The following RBBP8 variants were observed in gnomAD, a reference collection of about 807,000 sequenced individuals.
The protein encoded by RBBP8 is DNA endonuclease RBBP8.
In RBBP8, 88 loss-of-function variants were observed where a neutral mutation model predicts 108.3. The ratio of observed to expected loss-of-function variants is 0.81; its 90% CI spans 0.68 to 0.97. RBBP8 has a LOEUF of 0.97. Among genes scored for constraint, RBBP8 ranks in the 50% least tolerant of loss-of-function variants. RBBP8 has a pLI of 0.00. For missense variants in RBBP8, 1,023 were observed against 1,049.0 expected (o/e 0.98, Z 0.34); for synonymous variants, 332 against 348.2 (o/e 0.95, Z 0.52).
intron 3 of RBBP8, among the ~76,000 whole-genome samples, chr18:22,925,543 A>G: frequency 6.6e-6 from 1 of 152,230 alleles, no homozygotes; most frequent in East Asian, 1.9e-4. Flanking sequence ...GTAATCTGTG[A>G]AGCACATAAT....
chr18:22,965,360 G>A (rs1229908616), intron 4 of RBBP8, among the ~76,000 whole-genome samples: 1 of 152,118 alleles, frequency 6.6e-6, no homozygotes, highest in Non-Finnish European at 1.5e-5. Flanking sequence ...GAGCTTCTCT[G>A]TTAGAATGAT....
intron 16 of RBBP8, among the ~76,000 whole-genome samples, chr18:23,013,453 C>T (rs141220415): frequency 6.6e-6 from 1 of 152,070 alleles, no homozygotes; most frequent in African/African-American, 2.4e-5. Flanking sequence ...CCCACCTGGT[C>T]CGTCAGAATG....
chr18:23,017,648 C>G (rs1598749163), intron 17 of RBBP8, among the ~76,000 whole-genome samples: 1 of 147,496 alleles, frequency 6.8e-6, no homozygotes. Flanking sequence ...AGCGAGACTC[C>G]GTCTCAAAAA....
chr18:22,914,829 A>G (rs2144320407), intron 1 of RBBP8, among the ~76,000 whole-genome samples: 1 of 152,304 alleles, frequency 6.6e-6, no homozygotes, highest in South Asian at 2.1e-4. Flanking sequence ...CTGGTAACTG[A>G]TTAACTATTG....
At position 22,993,334 on chromosome 18, in the gene RBBP8, C is replaced by T. The variant is rs777465941; in HGVS notation, c.1507C>T (p.Gln503Ter). Residue 503 changes from glutamine (Q) to a stop codon, truncating the protein, a stop_gained, in exon 11 of 19, where the codon CAA (glutamine) becomes TAA (stop). Transcript: ENST00000327155. LOFTEE classifies it high-confidence loss of function. ...TGATCGATTTTCAGCTATTCAGCGT[C>T]AAGAGAAAAGCCAAGGAAGTGAGAC... Reference protein sequence around the residue: ...LSDRFSAIQRQEKSQGSETSK... With the variant: ...LSDRFSAIQR 6.2e-7 allele frequency: 1 copy of T among 1,614,088 alleles called. No individual in the cohort carries two copies. Among genetic ancestry groups the T allele is most frequent in the Non-Finnish European group, 8.5e-7 (1 of 1,180,044 alleles).
chr18:22,926,931 G>T (rs1463149351), intron 3 of RBBP8, among the ~76,000 whole-genome samples: 39 of 152,084 alleles, frequency 2.6e-4, no homozygotes, highest in Non-Finnish European at 8.8e-5. Flanking sequence ...TCTCAATCTG[G>T]AATCTTGGCA....
intron 16 of RBBP8, 115 bp from the exon 17 acceptor site, chr18:23,016,713 G>A (rs112796210): frequency 3.3e-5 from 27 of 806,926 alleles, no homozygotes; most frequent in African/African-American, 3.1e-4. Flanking sequence ...ATTTGACGAA[G>A]CAATATTTTT....
At chr18:22,947,042 C>G (rs1911623669) in intron 3 of RBBP8, among the ~76,000 whole-genome samples, 1 of 152,076 alleles carries the variant, frequency 6.6e-6, no homozygotes, top group Admixed American at 6.5e-5. Flanking sequence ...TCATGATTCT[C>G]TAGAGCTTCC....
At chr18:23,019,461 A>G (rs2046312485) in intron 17 of RBBP8, among the ~76,000 whole-genome samples, 1 of 152,174 alleles carries the variant, frequency 6.6e-6, no homozygotes, top group Non-Finnish European at 1.5e-5. Flanking sequence ...TACAGTTCTT[A>G]AATTTATCCC....
chr18:22,969,371 AG>A (rs2042340857), intron 5 of RBBP8, among the ~76,000 whole-genome samples: 3 of 152,070 alleles, frequency 2.0e-5, no homozygotes, highest in African/African-American at 7.2e-5. Context: ...TTGAGTGTAG[AG>A]TTTTTCTACA....
intron 14 of RBBP8, among the ~76,000 whole-genome samples, chr18:22,998,619 A>G (rs1243211272): frequency 6.6e-6 from 1 of 152,234 alleles, no homozygotes; most frequent in African/African-American, 2.4e-5. Context: ...CCCAGTGATC[A>G]TTTGTTAGAA....
At chr18:22,946,338 G>T in intron 2 of RBBP8, 106 bp from the exon 3 acceptor site, 1 of 1,488,538 alleles carries the variant, frequency 6.7e-7, no homozygotes, top group Non-Finnish European at 9.1e-7. Context: ...AAACTAATGA[G>T]ACCTGGTTTA....
chr18:22,929,593 C>A (rs1345433925), upstream of RBBP8, among the ~76,000 whole-genome samples: 8 of 147,696 alleles, frequency 5.4e-5, no homozygotes, highest in Non-Finnish European at 1.2e-4. Flanking sequence ...TGTCATTCAG[C>A]CTATACTGCA....
At chr18:23,003,934 G>C (rs1419467182) in intron 15 of RBBP8, among the ~76,000 whole-genome samples, 2 of 151,764 alleles carry the variant, frequency 1.3e-5, no homozygotes, top group Non-Finnish European at 2.9e-5. Context: ...GCAGGTGCCT[G>C]TAGTCCCAGC....
At chr18:22,946,275 C>A (rs1369853735) in intron 2 of RBBP8, 169 bp from the exon 3 acceptor site, 3 of 761,724 alleles carry the variant, frequency 3.9e-6, no homozygotes, top group Non-Finnish European at 6.1e-6. Flanking sequence ...AAAAGCAATA[C>A]ATTGCAGATA....
At chr18:23,022,053 T>C in intron 17 of RBBP8, 76 bp from the exon 18 acceptor site, 2 of 1,248,780 alleles carry the variant, frequency 1.6e-6, no homozygotes, top group East Asian at 4.7e-5. Flanking sequence ...TTTTTTAGCT[T>C]CTAGTTTGTA....
At chr18:23,012,952 C>A (rs2144803105) in intron 16 of RBBP8, among the ~76,000 whole-genome samples, 1 of 152,170 alleles carries the variant, frequency 6.6e-6, no homozygotes, top group African/African-American at 2.4e-5. Context: ...AATCCTAGGA[C>A]CCTGAAGAAT....
chr18:22,993,813 A>C lies in RBBP8; in HGVS notation c.1905A>C (p.Arg635Ser). The C allele has an allele frequency of 6.2e-7, 1 of 1,613,770 alleles. No homozygotes were observed. ...LASVLQLNPC[R>S]TGKIKSLQNN... is the part of the protein sequence containing the mutation. The stretch of plus-strand genomic sequence containing the variant: ...CAGTTCTTCAGTTAAATCCATGTAG[A>C]ACTGGTAAAATAAAGTCTCTACAAA... Residue 635 changes from arginine to serine, a missense_variant, in exon 12 of 19, where the codon AGA (arginine) becomes AGC (serine). Transcript: ENST00000327155.
At chr18:22,931,863 T>C (rs957570243), upstream of RBBP8, among the ~76,000 whole-genome samples, 2 of 152,120 alleles carry the variant, frequency 1.3e-5, no homozygotes, top group Non-Finnish European at 2.9e-5. Context: ...AAATTAAATA[T>C]ATATATGGAG....
Sources: allele counts gnomAD v4.1 joint callset (sites outside exome capture counted in the v4.1 genomes callset), GRCh38; gene constraint gnomAD v4.1.1; transcripts MANE v1.5; gene names NCBI Gene and HGNC (gene_info 2026-07-23, HGNC 2026-07-21).